Variants in FRMD4A observed in about 807,000 individuals in gnomAD.
FRMD4A encodes FERM domain containing 4A.
Under a neutral mutation model 129.1 loss-of-function variants are expected in FRMD4A, and 29 were observed. The ratio of observed to expected loss-of-function variants is 0.22; its 90% CI spans 0.17 to 0.31. FRMD4A has a LOEUF of 0.31. FRMD4A is among the 10% of genes least tolerant of loss of function. FRMD4A has a pLI of 1.00. For missense variants in FRMD4A, 1,272 were observed against 1,375.8 expected, an observed-to-expected ratio of 0.92 and a Z score of 1.19; for synonymous variants, 634 against 571.6, an observed-to-expected ratio of 1.11 and a Z score of -1.56.
intron 2 of FRMD4A, among the ~76,000 whole-genome samples, chr10:13,954,950 T>C (rs370580290): frequency 2.0e-5 from 3 of 152,268 alleles, no homozygotes; most frequent in African/African-American, 7.2e-5. Flanking sequence ...GATTTTCTTC[T>C]AATAAAAGCC....
intron 2 of FRMD4A, among the ~76,000 whole-genome samples, chr10:14,150,289 G>A (rs1376415542): frequency 3.9e-5 from 6 of 152,304 alleles, no homozygotes; most frequent in South Asian, 4.2e-4. Flanking sequence ...GGACAGAGAA[G>A]TGCATATTTC....
chr10:13,889,240 T>G (rs2094665167), intron 2 of FRMD4A, among the ~76,000 whole-genome samples: 1 of 152,208 alleles, frequency 6.6e-6, no homozygotes, highest in South Asian at 2.1e-4. Context: ...TTCTTTCACA[T>G]CACAAACCAA....
At chr10:14,311,110 C>G (rs532883351) in intron 2 of FRMD4A, among the ~76,000 whole-genome samples, 1 of 152,238 alleles carries the variant, frequency 6.6e-6, no homozygotes, top group South Asian at 2.1e-4. Flanking sequence ...TCCTGGCTTG[C>G]ATCCCTCTGT....
intron 2 of FRMD4A, among the ~76,000 whole-genome samples, chr10:13,901,910 A>C (rs1319885200): frequency 6.6e-6 from 1 of 152,224 alleles, no homozygotes; most frequent in East Asian, 1.9e-4. Flanking sequence ...GACCTACTCC[A>C]AATTATAATA....
intron 2 of FRMD4A, among the ~76,000 whole-genome samples, chr10:13,887,126 T>C (rs1287750721): frequency 1.5e-5 from 2 of 135,866 alleles, no homozygotes; most frequent in African/African-American, 5.5e-5. Context: ...AGCTAGAGCC[T>C]ACAAGGAACT....
intron 2 of FRMD4A, among the ~76,000 whole-genome samples, chr10:14,329,595 C>T (rs564593323): frequency 6.6e-6 from 1 of 152,228 alleles, no homozygotes; most frequent in African/African-American, 2.4e-5. Flanking sequence ...TCCTCCACCA[C>T]CTCTACAGGA....
chr10:13,671,323 A>G (rs933804468), intron 16 of FRMD4A, among the ~76,000 whole-genome samples: 3 of 152,000 alleles, frequency 2.0e-5, no homozygotes, highest in African/African-American at 7.2e-5. Context: ...GCGTGGTGGT[A>G]AGCACCTGTA....
chr10:13,655,384 A>T (rs2082052704), intron 22 of FRMD4A: 1 of 150,830 alleles, frequency 6.6e-6, no homozygotes. Context: ...ATAGGGTCAC[A>T]GAATGATCAT....
intron 2 of FRMD4A, 47 bp downstream of exon 2, chr10:14,330,011 G>A (rs774247794): frequency 2.6e-6 from 4 of 1,537,828 alleles, no homozygotes; most frequent in South Asian, 1.2e-5. Context: ...TGCAGGGGAG[G>A]CTGGAGTGGA....
intron 6 of FRMD4A, among the ~76,000 whole-genome samples, chr10:13,777,766 G>A (rs1321983801): frequency 1.3e-5 from 2 of 149,486 alleles, no homozygotes; most frequent in Admixed American, 6.7e-5. Context: ...TTCCCCAAGC[G>A]TCTGCCCAAG....
intron 2 of FRMD4A, among the ~76,000 whole-genome samples, chr10:14,269,212 AT>A (rs974243975): frequency 6.6e-6 from 1 of 152,208 alleles, no homozygotes; most frequent in Non-Finnish European, 1.5e-5. Context: ...AGCACAAAAT[AT>A]GCTCAAAACA....
chr10:14,141,564 C>T (rs1394237334), intron 2 of FRMD4A, among the ~76,000 whole-genome samples: 1 of 122,268 alleles, frequency 8.2e-6, no homozygotes, highest in African/African-American at 3.2e-5. Flanking sequence ...CCACCTTCTG[C>T]CCCTAACCCC....
intron 2 of FRMD4A, among the ~76,000 whole-genome samples, chr10:13,868,488 C>A (rs1200316612): frequency 2.6e-5 from 4 of 152,046 alleles, no homozygotes; most frequent in Non-Finnish European, 4.4e-5. Flanking sequence ...TTTATTGTGA[C>A]TCTCCTGGAT....
In FRMD4A at chr10:14,299,192, T is replaced by A. The variant is rs11597714; in HGVS notation, c.45+30866A>T. ...CCTGAGCTAAGGATATCCCATTCTC[T>A]TCTGATGGAAAACTTCTTGTCAAAG... On this transcript the variant is annotated intron_variant, in intron 2 of 24. Transcript: ENST00000357447. Among the ~76,000 whole-genome samples the A allele has an allele frequency of 2.4e-3, 373 of 152,298 alleles. 3 individuals carry two copies. The highest frequency in any genetic ancestry group is 3.7e-3 in the Non-Finnish European group (250 of 68,024).
chr10:14,281,138 G>A (rs1471465610), intron 2 of FRMD4A, among the ~76,000 whole-genome samples: 1 of 151,830 alleles, frequency 6.6e-6, no homozygotes, highest in East Asian at 1.9e-4. Flanking sequence ...GATTACAGGA[G>A]CACACCACCA....
At position 14,330,304 on chromosome 10, in the gene FRMD4A, G is replaced by A. The variant is rs1225448892; in HGVS notation, c.-81-121C>T. The A allele has an allele frequency of 3.2e-5, 16 of 497,342 alleles. No homozygotes were observed. The Admixed American group carries it at 4.6e-4, about 14-fold the overall frequency. 30.8% of individuals were successfully genotyped at this position (497,342 alleles called of 1,614,324 possible). On this transcript the variant is annotated intron_variant, in intron 1 of 24. Coordinates refer to ENST00000357447, the MANE Select transcript of FRMD4A (RefSeq NM_018027.5). ...AGACAGGGTGGGAACTGTGCTTAGG[G>A]AGGAAAAAAAAAAAAAGAAGAAGGA...
intron 2 of FRMD4A, among the ~76,000 whole-genome samples, chr10:13,896,754 C>A (rs1228564940): frequency 6.6e-6 from 1 of 151,830 alleles, no homozygotes; most frequent in Non-Finnish European, 1.5e-5. Flanking sequence ...ACTTAAGTTA[C>A]CTGGAAATGA....
intron 2 of FRMD4A, among the ~76,000 whole-genome samples, chr10:14,012,299 C>T (rs892528215): frequency 1.3e-5 from 2 of 152,158 alleles, no homozygotes; most frequent in African/African-American, 2.4e-5. Context: ...ACACTTAAGG[C>T]TGGCAAAGCC....
intron 15 of FRMD4A, chr10:13,684,389 A>T (rs2084891628): frequency 2.0e-6 from 2 of 985,032 alleles, no homozygotes; most frequent in African/African-American, 3.5e-5. Flanking sequence ...TGCTATGAAC[A>T]TTGTTTGAGA....
Sources: allele counts gnomAD v4.1 joint callset (sites outside exome capture counted in the v4.1 genomes callset), GRCh38; gene constraint gnomAD v4.1.1; transcripts MANE v1.5; gene names NCBI Gene and HGNC (gene_info 2026-07-23, HGNC 2026-07-21).